Variants in SLC6A2 observed in about 807,000 individuals in gnomAD.
The protein encoded by SLC6A2 is sodium-dependent noradrenaline transporter.
SLC6A2 carries 26 observed loss-of-function variants against 71.7 expected under a neutral mutation model. The ratio of observed to expected loss-of-function variants is 0.36; its 90% CI spans 0.27 to 0.50. SLC6A2 has a LOEUF of 0.50. Ranked by LOEUF, SLC6A2 falls within the 20% of genes least tolerant of loss-of-function variation. The probability of loss-of-function intolerance (pLI) is 0.96; values close to 1 mark genes in which losing one functional copy is unlikely to be tolerated. For synonymous variants in SLC6A2, 363 were observed against 337.9 expected, an observed-to-expected ratio of 1.07 and a Z score of -0.82; for missense variants, 581 against 803.9, an observed-to-expected ratio of 0.72 and a Z score of 3.35.
At chr16:55,671,628 T>C (rs1964917787) in intron 3 of SLC6A2, 4 of 541,300 alleles carry the variant, frequency 7.4e-6, no homozygotes, top group Non-Finnish European at 9.7e-6. Flanking sequence ...TAGATTCTCA[T>C]AGGAGCGCAA....
intron 2 of SLC6A2, among the ~76,000 whole-genome samples, chr16:55,667,235 G>T (rs557002017): frequency 6.6e-6 from 1 of 152,254 alleles, no homozygotes; most frequent in East Asian, 1.9e-4. Flanking sequence ...ACTGCCCCTT[G>T]CCCTGGCTCT....
chr16:55,692,195 G>C, intron 6 of SLC6A2, 143 bp downstream of exon 6: 1 of 989,660 alleles, frequency 1.0e-6, no homozygotes, highest in Non-Finnish European at 1.6e-6. Context: ...CTGAGGTGCA[G>C]CTTCCCCATC....
In SLC6A2 at chr16:55,705,517, T is replaced by C. The variant is rs1298058228; in HGVS notation, c.*3171T>C. The C allele has an allele frequency of 7.1e-6, 3 of 423,528 alleles. No homozygotes were observed. The East Asian group carries it at 1.1e-4, about 15-fold the overall frequency. 26.2% of individuals were successfully genotyped at this position (423,528 alleles called of 1,614,324 possible). A position where few individuals can be genotyped will look rare whatever the true frequency, so the allele number is the denominator to read the frequency against. On this transcript the variant is annotated 3_prime_UTR_variant, in exon 15 of 15. Transcript: ENST00000568943. ...TGGCGGAAAAAGCACAGCATATAGT[T>C]TTACAGACTTGGGTCTGCAGCTGAC...
At position 55,661,299 on chromosome 16, in the gene SLC6A2, T is replaced by C. The variant is rs114754051; in HGVS notation, c.274+4331T>C. ...TAGAGCTGTGCATTGTAGAGAAATA[T>C]AGTCTTTAGGTTCAGGGTCTGAGTC... On this transcript the variant is annotated intron_variant, in intron 2 of 14. Transcript: ENST00000568943. Among the ~76,000 whole-genome samples the C allele has an allele frequency of 6.8e-3, 1,038 of 152,290 alleles. 14 individuals carry two copies. The highest frequency in any genetic ancestry group is 0.024 in the African/African-American group (982 of 41,566).
intron 2 of SLC6A2, among the ~76,000 whole-genome samples, chr16:55,663,725 G>A (rs939205441): frequency 7.9e-5 from 12 of 152,114 alleles, no homozygotes; most frequent in African/African-American, 2.7e-4. Flanking sequence ...TAACATTGGG[G>A]CACGTTAGGC....
chr16:55,682,042 G>A (rs1965289150), intron 4 of SLC6A2, among the ~76,000 whole-genome samples: 1 of 152,194 alleles, frequency 6.6e-6, no homozygotes, highest in Non-Finnish European at 1.5e-5. Flanking sequence ...AAGTAGCTGG[G>A]ATTACAGGCA....
At chr16:55,672,781 T>C (rs1457830079) in intron 4 of SLC6A2, among the ~76,000 whole-genome samples, 1 of 152,228 alleles carries the variant, frequency 6.6e-6, no homozygotes, top group African/African-American at 2.4e-5. Context: ...AGGCCAGCTG[T>C]ATGCAGCTCT....
At chr16:55,684,909 G>GCA (rs758421373) in intron 4 of SLC6A2, among the ~76,000 whole-genome samples, 61 of 152,184 alleles carry the variant, frequency 4.0e-4, no homozygotes, top group Non-Finnish European at 7.6e-4. Context: ...CATGAGCGTG[G>GCA]AATCTCCCCA....
At chr16:55,695,502 T>C (rs1965769301) in intron 8 of SLC6A2, 100 bp downstream of exon 8, 1 of 1,394,534 alleles carries the variant, frequency 7.2e-7, no homozygotes, top group African/African-American at 1.4e-5. Context: ...GTAGGAATAC[T>C]GGGTTGTCCA....
At chr16:55,679,220 TTTTTTC>T (rs577870459) in intron 4 of SLC6A2, among the ~76,000 whole-genome samples, 5 of 149,774 alleles carry the variant, frequency 3.3e-5, no homozygotes, top group Admixed American at 6.7e-5. Flanking sequence ...TCTGGTTTTC[TTTTTTC>T]TTTTTCTTTT....
At chr16:55,669,723 G>A (rs748091212) in intron 3 of SLC6A2, 27 bp downstream of exon 3, 25 of 1,613,638 alleles carry the variant, frequency 1.5e-5, no homozygotes, top group Middle Eastern at 1.6e-4. Flanking sequence ...AGAAAGTCAC[G>A]GTTGTTCATA....
chr16:55,668,695 A>G (rs915308621), intron 2 of SLC6A2, among the ~76,000 whole-genome samples: 1 of 152,162 alleles, frequency 6.6e-6, no homozygotes, highest in Admixed American at 6.5e-5. Context: ...TTGTCTCTGC[A>G]ACTCAGACAC....
At chr16:55,657,736 G>A (rs556754913) in intron 2 of SLC6A2, among the ~76,000 whole-genome samples, 1 of 152,190 alleles carries the variant, frequency 6.6e-6, no homozygotes, top group East Asian at 1.9e-4. Context: ...CAGTGGAACA[G>A]CCACACTCTC....
chr16:55,656,783 C>G lies in SLC6A2; in HGVS notation c.89C>G (p.Thr30Ser). 6.2e-7 allele frequency: 1 copy of G among 1,613,390 alleles called. No individual in the cohort carries two copies. Among genetic ancestry groups the G allele is most frequent in the Non-Finnish European group, 8.5e-7 (1 of 1,179,798 alleles). ...GPEQPLRARK[T>S]AELLVVKERN... ...GAGCAGCCCCTTCGGGCGCGCAAAA[C>G]TGCGGAGCTGCTGGTGGTGAAGGAG... The change falls in exon 2 of 15, where the codon ACT (threonine) becomes AGT (serine). Residue 30 changes from threonine (T) to serine (S), a missense_variant. By Grantham distance (58) the Thr-to-Ser change is moderately conservative. Transcript: ENST00000568943. The surrounding 1 kb of genome is among the most constrained non-coding windows in gnomAD (Gnocchi z 4.5).
At chr16:55,684,395 C>A (rs554101516) in intron 4 of SLC6A2, among the ~76,000 whole-genome samples, 2 of 151,706 alleles carry the variant, frequency 1.3e-5, no homozygotes, top group African/African-American at 4.8e-5. Context: ...GAGTACTTTG[C>A]GATTTGGGGT....
intron 8 of SLC6A2, 50 bp downstream of exon 8, chr16:55,695,452 A>AAGC (rs1292623124): frequency 6.2e-7 from 1 of 1,607,686 alleles, no homozygotes; most frequent in African/African-American, 1.3e-5. Context: ...GGGAGCTGAG[A>AAGC]AGCCCACCTT....
chr16:55,677,380 C>A (rs1965123414), intron 4 of SLC6A2, among the ~76,000 whole-genome samples: 1 of 152,174 alleles, frequency 6.6e-6, no homozygotes, highest in African/African-American at 2.4e-5. Context: ...CTCTCGGCAA[C>A]CCTTGTTTTA....
rs116690207 is a variant in SLC6A2 at position 55,669,050 on chromosome 16, A to G, written c.275-515A>G. Among the ~76,000 whole-genome samples the G allele has an allele frequency of 8.5e-3, 1,297 of 152,292 alleles. 23 individuals carry two copies. The highest frequency in any genetic ancestry group is 0.03 in the African/African-American group (1,237 of 41,558). On this transcript the variant is annotated intron_variant, in intron 2 of 14. Coordinates refer to ENST00000568943, the MANE Select transcript of SLC6A2 (RefSeq NM_001172501.3). The stretch of plus-strand genomic sequence containing the variant: ...CAGTGAGATCATGCTTGGGAAAGCA[A>G]GCCACATATACCCCTATGTGATAGG...
At position 55,699,573 on chromosome 16, in the gene SLC6A2, C is replaced by T. The variant is rs573586347; in HGVS notation, c.1509C>T (p.Asn503=). ...SWFYGVDRFS[N]DIQQMMGFRP... ...GCACAGGAGTGGACAGGTTCAGCAA[C>T]GACATCCAGCAGATGATGGGGTTCA... Residue 503 remains asparagine, a synonymous_variant, in exon 12 of 15, where the codon AAC becomes AAT. Transcript: ENST00000568943. 36 of 1,613,906 alleles carry T rather than the reference C, an allele frequency of 2.2e-5. No individual in the cohort carries two copies. Among genetic ancestry groups the T allele is most frequent in the Admixed American group, 1.2e-4 (7 of 60,006 alleles).
Sources: allele counts gnomAD v4.1 joint callset (sites outside exome capture counted in the v4.1 genomes callset), GRCh38; gene constraint gnomAD v4.1.1; non-coding constraint Gnocchi (gnomAD v3.1); transcripts MANE v1.5; gene names NCBI Gene and HGNC (gene_info 2026-07-23, HGNC 2026-07-21).